The following LAMA2 variants were observed in gnomAD, a reference collection of about 807,000 sequenced individuals.
LAMA2 encodes the protein laminin subunit alpha 2.
Under a neutral mutation model 364.8 loss-of-function variants are expected in LAMA2, and 269 were observed. That is an observed-to-expected ratio of 0.74 (90% CI 0.67 to 0.82). The LOEUF (loss-of-function observed/expected upper bound fraction) is 0.82, where lower values mean the gene tolerates loss of function less well. Ranked by LOEUF, LAMA2 falls within the 40% of genes least tolerant of loss-of-function variation. The probability of loss-of-function intolerance (pLI) is 0.00; values close to 1 mark genes in which losing one functional copy is unlikely to be tolerated. For synonymous variants in LAMA2, 1,379 were observed against 1,370.6 expected (o/e 1.01, Z -0.14); for missense variants, 3,807 against 3,873.2 (o/e 0.98, Z 0.45).
At chr6:129,309,151 G>A (rs9402116) in intron 22 of LAMA2, among the ~76,000 whole-genome samples, 52,553 of 152,092 alleles carry the variant, frequency 0.35, 10,657 homozygotes, top group Non-Finnish European at 0.45. Flanking sequence ...CCCTTTCTTT[G>A]TGTCATGGAT....
At chr6:129,234,831 CTG>C (rs1320483960) in intron 12 of LAMA2, among the ~76,000 whole-genome samples, 1 of 152,072 alleles carries the variant, frequency 6.6e-6, no homozygotes, top group Non-Finnish European at 1.5e-5. Flanking sequence ...ATTATCGACT[CTG>C]TGTCTTTATG....
At chr6:129,438,311 T>A (rs1029503919) in intron 41 of LAMA2, among the ~76,000 whole-genome samples, 2 of 152,002 alleles carry the variant, frequency 1.3e-5, no homozygotes, top group East Asian at 3.9e-4. Context: ...ATGGGAGTGA[T>A]AACAAGAGGG....
rs1039842733 is a variant in LAMA2 at position 128,949,654 on chromosome 6, A to G, written c.112+66297A>G. On this transcript the variant is annotated intron_variant, in intron 1 of 64. Transcript: ENST00000421865. ...AGTGTGAATTTAGATGGGATTACATAACATGAAACAAAATGAAAAGAAGAA... is the reference window on the plus strand; with the variant it reads ...AGTGTGAATTTAGATGGGATTACATGACATGAAACAAAATGAAAAGAAGAA... Among the ~76,000 whole-genome samples, 5 of 152,200 alleles carry G rather than the reference A, an allele frequency of 3.3e-5. No homozygotes were observed. The East Asian group carries it at 9.6e-4, about 29-fold the overall frequency.
intron 34 of LAMA2, among the ~76,000 whole-genome samples, chr6:129,371,838 A>G (rs1239699430): frequency 6.6e-6 from 1 of 151,800 alleles, no homozygotes; most frequent in Non-Finnish European, 1.5e-5. Context: ...TGAACTCCTG[A>G]CCTTGTGATT....
chr6:129,395,987 C>T (rs973838109), intron 37 of LAMA2, among the ~76,000 whole-genome samples: 5 of 152,144 alleles, frequency 3.3e-5, no homozygotes, highest in African/African-American at 1.2e-4. Context: ...ATAAGAGAAT[C>T]GCATTGTGAG....
intron 20 of LAMA2, among the ~76,000 whole-genome samples, chr6:129,296,975 A>G (rs1424065443): frequency 6.6e-6 from 1 of 152,172 alleles, no homozygotes; most frequent in Non-Finnish European, 1.5e-5. Flanking sequence ...TGTTATAGAT[A>G]GATAAGAGAT....
At chr6:128,941,535 G>A (rs1382110206) in intron 1 of LAMA2, among the ~76,000 whole-genome samples, 1 of 152,092 alleles carries the variant, frequency 6.6e-6, no homozygotes, top group African/African-American at 2.4e-5. Context: ...TACCTTGACT[G>A]TGACATTTAA....
intron 12 of LAMA2, among the ~76,000 whole-genome samples, chr6:129,234,166 A>G (rs1037747241): frequency 6.6e-6 from 1 of 152,190 alleles, no homozygotes; most frequent in African/African-American, 2.4e-5. Flanking sequence ...CTGGACTCCA[A>G]TATGAGACTT....
intron 1 of LAMA2, among the ~76,000 whole-genome samples, chr6:128,982,946 A>AT (rs200510072): frequency 2.0e-5 from 3 of 149,780 alleles, no homozygotes; most frequent in African/African-American, 7.5e-5. Flanking sequence ...GGAACTCATC[A>AT]TTTTTTTATG....
chr6:129,421,856 CTAT>C (rs930739091), intron 40 of LAMA2, among the ~76,000 whole-genome samples: 3 of 151,806 alleles, frequency 2.0e-5, no homozygotes, highest in African/African-American at 7.3e-5. Flanking sequence ...CATGAGGTGA[CTAT>C]TCTCTTTTCT....
intron 12 of LAMA2, among the ~76,000 whole-genome samples, chr6:129,204,478 A>G (rs1003041384): frequency 4.9e-5 from 4 of 81,220 alleles, no homozygotes; most frequent in Non-Finnish European, 9.7e-5. Context: ...TATCCTTATG[A>G]AAAAAAAAAA....
intron 12 of LAMA2, among the ~76,000 whole-genome samples, chr6:129,226,966 C>T (rs191185654): frequency 9.8e-4 from 149 of 152,272 alleles, no homozygotes; most frequent in Non-Finnish European, 1.7e-3. Flanking sequence ...CTTTCATGTA[C>T]CCAATCAGGC....
intron 40 of LAMA2, among the ~76,000 whole-genome samples, chr6:129,407,528 T>A (rs1379531473): frequency 6.6e-6 from 1 of 152,186 alleles, no homozygotes; most frequent in African/African-American, 2.4e-5. Context: ...CTAGTACAAG[T>A]GTATACATGC....
chr6:129,008,144 C>T (rs1784547391), intron 1 of LAMA2, among the ~76,000 whole-genome samples: 2 of 152,200 alleles, frequency 1.3e-5, no homozygotes, highest in Non-Finnish European at 2.9e-5. Flanking sequence ...CTTGAACATG[C>T]TGTCATTAAC....
chr6:129,131,362 T>C (rs938701511), intron 4 of LAMA2, among the ~76,000 whole-genome samples: 6 of 152,212 alleles, frequency 3.9e-5, no homozygotes, highest in Non-Finnish European at 8.8e-5. Context: ...TTAGCTATCC[T>C]GCATGGACCC....
At chr6:129,099,187 T>G (rs989034128) in intron 4 of LAMA2, among the ~76,000 whole-genome samples, 3 of 149,804 alleles carry the variant, frequency 2.0e-5, no homozygotes, top group African/African-American at 2.4e-5. Context: ...TTAAATTCTC[T>G]GCACCTCAGT....
At position 129,199,605 on chromosome 6, in the gene LAMA2, T is replaced by A. The variant is rs188131299; in HGVS notation, c.1782+6752T>A. ...ATCAAGAGAATCTACAGACAAATTC[T>A]TAATCAGTGAGTCAATAAGGAGACT... On this transcript the variant is annotated intron_variant, in intron 12 of 64. Transcript: ENST00000421865. Among the ~76,000 whole-genome samples, 3 of 152,272 alleles carry A rather than the reference T, an allele frequency of 2.0e-5. No individual in the cohort carries two copies. The East Asian group carries it at 5.8e-4, about 29-fold the overall frequency.
intron 1 of LAMA2, among the ~76,000 whole-genome samples, chr6:128,964,714 C>T (rs1781733772): frequency 6.6e-6 from 1 of 151,996 alleles, no homozygotes; most frequent in Non-Finnish European, 1.5e-5. Context: ...AAAACACATA[C>T]TACTCATCAA....
At chr6:129,148,773 A>G (rs1166078511) in intron 6 of LAMA2, among the ~76,000 whole-genome samples, 1 of 152,102 alleles carries the variant, frequency 6.6e-6, no homozygotes, top group Non-Finnish European at 1.5e-5. Context: ...CAGTGATTAA[A>G]GAACCAGCCT....
Sources: gnomAD v4.1 joint callset for allele counts (sites outside exome capture counted in the v4.1 genomes callset) on GRCh38, gnomAD v4.1.1 for gene constraint, MANE v1.5 for transcripts, NCBI Gene and HGNC (gene_info 2026-07-23, HGNC 2026-07-21) for gene names.